ROBO2: variants seen among roughly 807,000 people sequenced by gnomAD.
ROBO2 encodes the protein roundabout homolog 2.
Under a neutral mutation model 160.8 loss-of-function variants are expected in ROBO2, and 53 were observed. The ratio of observed to expected loss-of-function variants is 0.33; its 90% confidence interval spans 0.26 to 0.41. The LOEUF (loss-of-function observed/expected upper bound fraction) is 0.41. ROBO2 is among the 10% of genes least tolerant of loss of function. The probability of loss-of-function intolerance (pLI) is 1.00; values close to 1 mark genes in which losing one functional copy is unlikely to be tolerated. For missense variants in ROBO2, 1,577 were observed against 1,722.4 expected, an observed-to-expected ratio of 0.92 and a Z score of 1.49; for synonymous variants, 664 against 611.7, an observed-to-expected ratio of 1.09 and a Z score of -1.26.
intron 2 of ROBO2, among the ~76,000 whole-genome samples, chr3:77,106,734 A>G (rs1261508085): frequency 6.6e-6 from 1 of 152,230 alleles, no homozygotes; most frequent in East Asian, 1.9e-4. Context: ...ACTATATACC[A>G]TTAGAATTGA....
intron 2 of ROBO2, among the ~76,000 whole-genome samples, chr3:76,581,434 C>T (rs2085691995): frequency 6.6e-6 from 1 of 151,940 alleles, no homozygotes; most frequent in Non-Finnish European, 1.5e-5. Context: ...GAGGGAATTA[C>T]CCAAGCACCC....
chr3:76,054,457 C>T (rs997841744), intron 2 of ROBO2, among the ~76,000 whole-genome samples: 4 of 152,000 alleles, frequency 2.6e-5, no homozygotes, highest in African/African-American at 9.7e-5. Context: ...TTAACTATAC[C>T]CCTGTTGTTC....
chr3:77,400,871 C>T (rs921698595), intron 2 of ROBO2, among the ~76,000 whole-genome samples: 3 of 151,874 alleles, frequency 2.0e-5, no homozygotes, highest in Admixed American at 6.6e-5. Flanking sequence ...AGTTTAATTA[C>T]AATTCAATGT....
intron 2 of ROBO2, among the ~76,000 whole-genome samples, chr3:77,367,561 C>T (rs1297475645): frequency 6.6e-6 from 1 of 152,014 alleles, no homozygotes; most frequent in Non-Finnish European, 1.5e-5. Context: ...AAAGGTGTTA[C>T]GAAGATGCCA....
chr3:76,043,014 CT>C (rs1186408744), intron 2 of ROBO2, among the ~76,000 whole-genome samples: 2 of 151,988 alleles, frequency 1.3e-5, no homozygotes, highest in African/African-American at 4.8e-5. Flanking sequence ...GGGGTTTTGT[CT>C]GTGGCTCGTC....
chr3:76,261,168 ATG>A (rs66742168), intron 2 of ROBO2, among the ~76,000 whole-genome samples: 5,618 of 122,786 alleles, frequency 0.046, 116 homozygotes, highest in Admixed American at 0.072. Context: ...AAACTAAATT[ATG>A]TGTGTGTGTG....
At chr3:76,306,785 G>T (rs2071355664) in intron 2 of ROBO2, among the ~76,000 whole-genome samples, 1 of 152,110 alleles carries the variant, frequency 6.6e-6, no homozygotes, top group South Asian at 2.1e-4. Flanking sequence ...TTCAATGAAG[G>T]AATGTAGATA....
At chr3:76,468,742 C>G (rs1387920792) in intron 2 of ROBO2, among the ~76,000 whole-genome samples, 5 of 152,074 alleles carry the variant, frequency 3.3e-5, no homozygotes, top group Non-Finnish European at 7.4e-5. Flanking sequence ...CCCATGTCCT[C>G]TCTCTTCAGG....
intron 1 of ROBO2, among the ~76,000 whole-genome samples, chr3:77,084,722 A>G (rs7628843): frequency 0.28 from 41,914 of 151,928 alleles, 6,236 homozygotes; most frequent in East Asian, 0.54. Context: ...ACATTATTCC[A>G]TAACTTTTCT....
In ROBO2 at chr3:77,602,335, G is replaced by C. The variant is rs772463674; in HGVS notation, c.2980G>C (p.Ala994Pro). Reference sequence around the variant, plus strand: ...CAACAGTTCCAGCCAAATAACACAGGCTACCCCATATGCCACGACACAGAT... The same window carrying C: ...CAACAGTTCCAGCCAAATAACACAGCCTACCCCATATGCCACGACACAGAT... Residue 994 changes from alanine (A) to proline (P), a missense_variant, in exon 20 of 26, where the codon GCT becomes CCT. This residue lies in a region of ROBO2 where 637 missense variants were observed against 586.9 expected (regional missense o/e 1.09). Transcript: ENST00000461745. 13 of 1,613,906 alleles carry C rather than the reference G, an allele frequency of 8.1e-6. No homozygotes were observed. The Admixed American group carries it at 2.2e-4, about 27-fold the overall frequency.
At chr3:76,305,467 A>G (rs925938984) in intron 2 of ROBO2, among the ~76,000 whole-genome samples, 1 of 150,636 alleles carries the variant, frequency 6.6e-6, no homozygotes, top group Non-Finnish European at 1.5e-5. Context: ...AATGATGGCT[A>G]CAAGAATCAT....
chr3:76,337,571 T>C (rs2073972416), intron 2 of ROBO2, among the ~76,000 whole-genome samples: 1 of 152,088 alleles, frequency 6.6e-6, no homozygotes, highest in African/African-American at 2.4e-5. Flanking sequence ...CCTCAACACA[T>C]ATCACTTACC....
intron 2 of ROBO2, among the ~76,000 whole-genome samples, chr3:77,374,457 G>A (rs2072339038): frequency 6.6e-6 from 1 of 152,102 alleles, no homozygotes; most frequent in Non-Finnish European, 1.5e-5. Context: ...TGCAGTGTCA[G>A]CCACTTATTT....
chr3:77,527,004 A>G (rs1472195595), intron 6 of ROBO2, among the ~76,000 whole-genome samples: 1 of 151,404 alleles, frequency 6.6e-6, no homozygotes, highest in Non-Finnish European at 1.5e-5. Flanking sequence ...TGCTATTTAA[A>G]TCAGACAGCG....
Position 76,722,428 on chromosome 3 carries a change from G to A in ROBO2, c.110-375586G>A, listed in dbSNP as rs1231009785. 2.0e-5 allele frequency among the ~76,000 whole-genome samples: 3 copies of A among 152,068 alleles called. No homozygotes were observed. In the East Asian group the frequency reaches 5.8e-4, roughly 29 times the overall value. ...AACCACCGCACCTGGCCAAAACTTT[G>A]TATTTTTTAAACAGCTTGATTGAGA... On this transcript the variant is annotated intron_variant, in intron 2 of 26. Transcript: ENST00000487694.
At chr3:77,322,731 T>C (rs1326593272) in intron 2 of ROBO2, among the ~76,000 whole-genome samples, 1 of 142,434 alleles carries the variant, frequency 7.0e-6, no homozygotes, top group East Asian at 2.0e-4. Context: ...AGGTCTAATA[T>C]ATATGTTATA....
intron 2 of ROBO2, among the ~76,000 whole-genome samples, chr3:76,418,231 TAGAGAGAGAGAGAGAGAGGG>T (rs1702804512): frequency 8.1e-6 from 1 of 123,908 alleles, no homozygotes; most frequent in Non-Finnish European, 1.6e-5. Flanking sequence ...GCCAAACAAA[TAGAGAGAGAGAGAGAGAGGG>T]AGAGAGAGAG....
chr3:77,087,590 T>C (rs1291482519), intron 1 of ROBO2, among the ~76,000 whole-genome samples: 1 of 152,168 alleles, frequency 6.6e-6, no homozygotes, highest in East Asian at 1.9e-4. Flanking sequence ...AGTAGAAGAG[T>C]AATTTGTTAT....
In ROBO2 at chr3:76,788,739, A is replaced by G. The variant is rs142753274; in HGVS notation, c.110-309275A>G. 3.0e-4 allele frequency among the ~76,000 whole-genome samples: 46 copies of G among 151,690 alleles called. No homozygotes were observed. In the East Asian group the frequency reaches 8.8e-3, roughly 29 times the overall value. On this transcript the variant is annotated intron_variant, in intron 2 of 26. Coordinates refer to the ROBO2 transcript ENST00000487694. ...ATCTGAACCTCTTAAGGAGAAGAAT[A>G]TCTATTATTGTGGCTTCAAAGATGT... is the stretch of plus-strand genomic sequence containing the variant.
Sources: gnomAD v4.1 joint callset for allele counts (sites outside exome capture counted in the v4.1 genomes callset) on GRCh38, gnomAD v4.1.1 for gene constraint, gnomAD v4.1.1 regional missense constraint, MANE v1.5 for transcripts, NCBI Gene and HGNC (gene_info 2026-07-23, HGNC 2026-07-21) for gene names.